Variants in GMDS observed in about 807,000 individuals in gnomAD.
The protein encoded by GMDS is GDP-mannose 4,6-dehydratase.
In GMDS, 20 loss-of-function variants were observed where a neutral mutation model predicts 49.9. The ratio of observed to expected loss-of-function variants is 0.40; its 90% CI spans 0.28 to 0.58. The LOEUF (loss-of-function observed/expected upper bound fraction) is 0.58. Ranked by LOEUF, GMDS falls within the 20% of genes least tolerant of loss-of-function variation. The probability of loss-of-function intolerance (pLI) is 0.42; values close to 1 mark genes in which losing one functional copy is unlikely to be tolerated. For missense variants in GMDS, 362 were observed against 481.4 expected (o/e 0.75, Z 2.32); for synonymous variants, 177 against 178.6 (o/e 0.99, Z 0.07).
At chr6:1,848,212 A>G (rs1019693694) in intron 7 of GMDS, among the ~76,000 whole-genome samples, 1 of 152,026 alleles carries the variant, frequency 6.6e-6, no homozygotes, top group Non-Finnish European at 1.5e-5. Context: ...GTACCGCCCC[A>G]TTTCATCATC....
At chr6:2,115,472 T>C (rs1342583082) in intron 4 of GMDS, among the ~76,000 whole-genome samples, 1 of 152,216 alleles carries the variant, frequency 6.6e-6, no homozygotes, top group Non-Finnish European at 1.5e-5. Flanking sequence ...CAATCTGTTA[T>C]TTGAAATGGC....
chr6:1,952,360 A>T (rs1763386115), intron 6 of GMDS, among the ~76,000 whole-genome samples: 2 of 152,210 alleles, frequency 1.3e-5, no homozygotes. Context: ...TAAGTTAAAC[A>T]AGTTAGTCAA....
intron 9 of GMDS, among the ~76,000 whole-genome samples, chr6:1,652,657 ATATATAATATATATAATATATATTATT>A (rs1159498923): frequency 0.019 from 77 of 4,028 alleles, 19 homozygotes; most frequent in East Asian, 0.047. Context: ...TATATTATTT[ATATATAATATATATAATATATATTATT>A]TATATATAAT....
intron 7 of GMDS, among the ~76,000 whole-genome samples, chr6:1,827,150 T>C (rs1581228904): frequency 6.8e-6 from 1 of 147,822 alleles, no homozygotes; most frequent in Non-Finnish European, 1.5e-5. Flanking sequence ...TATATATATA[T>C]ATGCACACAC....
Position 2,082,676 on chromosome 6 carries a change from TTTAG to T in GMDS, c.345+33091_345+33094del, listed in dbSNP as rs144431678. On this transcript the variant is annotated intron_variant, in intron 4 of 10. Coordinates refer to ENST00000380815, the MANE Select transcript of GMDS (RefSeq NM_001500.4). ...TAATGGTTATGGGTCACAAAATCAA[TTTAG>T]TTAATGACACTTTTAAAAAATAAAG... Among the ~76,000 whole-genome samples the T allele has an allele frequency of 1.6e-4, 25 of 152,358 alleles. No homozygotes were observed. In the East Asian group the frequency reaches 4.2e-3, roughly 26 times the overall value.
intron 7 of GMDS, among the ~76,000 whole-genome samples, chr6:1,786,969 C>T (rs1769350684): frequency 6.6e-6 from 1 of 152,204 alleles, no homozygotes; most frequent in Non-Finnish European, 1.5e-5. Flanking sequence ...CGCCACTCTG[C>T]CAGCGCGTAC....
In GMDS at chr6:1,953,580, A is replaced by T. The variant is rs189201835; in HGVS notation, c.643+6287T>A. On this transcript the variant is annotated intron_variant, in intron 6 of 10. Transcript: ENST00000380815. ...TATGGCATGCCAAAGTACTCTGCCAATGTTAAGAATTAAGACATAATTAGC... is the reference window on the plus strand; with the variant it reads ...TATGGCATGCCAAAGTACTCTGCCATTGTTAAGAATTAAGACATAATTAGC... 3.6e-3 allele frequency among the ~76,000 whole-genome samples: 543 copies of T among 152,310 alleles called. 2 individuals are homozygous for T. The highest frequency in any genetic ancestry group is 3.6e-3 in the Non-Finnish European group (248 of 68,022).
Position 1,675,319 on chromosome 6 carries a change from A to AT in GMDS, c.988-50780dup, listed in dbSNP as rs57418452. Among the ~76,000 whole-genome samples the AT allele has an allele frequency of 3.3e-3, 484 of 146,276 alleles. 1 individual carries two copies. The highest frequency in any genetic ancestry group is 0.028 in the Middle Eastern group (8 of 288). ...AACCTTGCTATAAATTAGTTCCAGG[A>AT]TTTTTTTTTTTTTTTGGTTGTTTCT... On this transcript the variant is annotated intron_variant, in intron 9 of 10. Transcript: ENST00000380815.
At chr6:2,078,597 T>C (rs1036615044) in intron 4 of GMDS, among the ~76,000 whole-genome samples, 1 of 152,128 alleles carries the variant, frequency 6.6e-6, no homozygotes, top group African/African-American at 2.4e-5. Context: ...TTGATATTTC[T>C]AGTTTTATTC....
intron 8 of GMDS, among the ~76,000 whole-genome samples, chr6:1,730,808 T>C (rs1354018939): frequency 1.3e-5 from 2 of 152,046 alleles, no homozygotes; most frequent in East Asian, 1.9e-4. Context: ...AACTCACAAG[T>C]AGCTTTTTAG....
At chr6:1,695,567 G>A (rs1332533274) in intron 9 of GMDS, among the ~76,000 whole-genome samples, 5 of 152,222 alleles carry the variant, frequency 3.3e-5, no homozygotes, top group Non-Finnish European at 7.3e-5. Context: ...TCATGCAGCA[G>A]TAGATAACGT....
At chr6:2,122,728 T>C (rs999503112) in intron 2 of GMDS, among the ~76,000 whole-genome samples, 2 of 152,192 alleles carry the variant, frequency 1.3e-5, no homozygotes, top group African/African-American at 4.8e-5. Flanking sequence ...ACACTTACAG[T>C]CCCACAATAT....
At chr6:2,183,974 T>C (rs1778667269) in intron 1 of GMDS, among the ~76,000 whole-genome samples, 1 of 152,236 alleles carries the variant, frequency 6.6e-6, no homozygotes. Flanking sequence ...ATAACATATA[T>C]GCACAACATA....
At chr6:1,704,794 G>C (rs1488140858) in intron 9 of GMDS, among the ~76,000 whole-genome samples, 1 of 146,608 alleles carries the variant, frequency 6.8e-6, no homozygotes, top group Non-Finnish European at 1.5e-5. Context: ...TTGCTTTGTG[G>C]ATTAATATTA....
chr6:1,714,742 C>G (rs562513806), intron 9 of GMDS, among the ~76,000 whole-genome samples: 2 of 152,258 alleles, frequency 1.3e-5, no homozygotes, highest in Non-Finnish European at 2.9e-5. Flanking sequence ...CAGTCGTACT[C>G]TCTTCAGACA....
At position 1,896,992 on chromosome 6, in the gene GMDS, A is replaced by G. The variant is rs1348566903; in HGVS notation, c.771+33111T>C. Among the ~76,000 whole-genome samples the G allele has an allele frequency of 2.0e-5, 3 of 152,300 alleles. No individual in the cohort carries two copies. The South Asian group carries it at 6.2e-4, about 32-fold the overall frequency. ...GGCTGATTTCCCAGTTTTGGGGCAA[A>G]GACAACAATGTACATGGAGCTCATA... On this transcript the variant is annotated intron_variant, in intron 7 of 10. Coordinates refer to ENST00000380815, the MANE Select transcript of GMDS (RefSeq NM_001500.4).
At chr6:2,119,199 G>T (rs1365974130) in intron 2 of GMDS, among the ~76,000 whole-genome samples, 1 of 152,038 alleles carries the variant, frequency 6.6e-6, no homozygotes, top group Non-Finnish European at 1.5e-5. Context: ...TATTCCAACA[G>T]CCCAAAATAT....
chr6:1,966,138 A>C (rs999222295), intron 4 of GMDS, among the ~76,000 whole-genome samples: 3 of 152,196 alleles, frequency 2.0e-5, no homozygotes, highest in African/African-American at 4.8e-5. Flanking sequence ...TTTACAGAAG[A>C]AGCTTCCAAA....
chr6:1,871,379 G>A (rs969085584), intron 7 of GMDS, among the ~76,000 whole-genome samples: 3 of 152,118 alleles, frequency 2.0e-5, no homozygotes, highest in Admixed American at 6.5e-5. Context: ...TTGAAATGAC[G>A]TCTACAGAGA....
Sources: gnomAD v4.1 joint callset for allele counts (sites outside exome capture counted in the v4.1 genomes callset) on GRCh38, gnomAD v4.1.1 for gene constraint, MANE v1.5 for transcripts, NCBI Gene and HGNC (gene_info 2026-07-23, HGNC 2026-07-21) for gene names.